POLK: variants seen among roughly 807,000 people sequenced by gnomAD.
POLK encodes polymerase (DNA directed) kappa.
Under a neutral mutation model 94.0 loss-of-function variants are expected in POLK, and 76 were observed. The ratio of observed to expected loss-of-function variants is 0.81; its 90% CI spans 0.67 to 0.98. The LOEUF is 0.98. POLK is among the 50% of genes least tolerant of loss of function. The probability of loss-of-function intolerance (pLI) is 0.00; values close to 1 mark genes in which losing one functional copy is unlikely to be tolerated. For missense variants in POLK, 954 were observed against 1,010.1 expected, an observed-to-expected ratio of 0.94 and a Z score of 0.75; for synonymous variants, 349 against 325.4, an observed-to-expected ratio of 1.07 and a Z score of -0.78.
At chr5:75,557,907 C>T (rs922674085) in intron 3 of POLK, among the ~76,000 whole-genome samples, 21 of 152,050 alleles carry the variant, frequency 1.4e-4, no homozygotes, top group Non-Finnish European at 4.4e-5. Context: ...CTCCTGCCTC[C>T]ACTTCCTGGT....
chr5:75,573,849 T>C, exon 5 of POLK: 1 of 1,613,328 alleles, frequency 6.2e-7, no homozygotes. Flanking sequence ...CTTTGACAAA[T>C]ACCGAGCTGT....
exon 7 of POLK, chr5:75,581,215 C>A: frequency 6.3e-7 from 1 of 1,595,710 alleles, no homozygotes; most frequent in Non-Finnish European, 8.6e-7. Flanking sequence ...TTAGATAATC[C>A]AGGAAAGGAA....
At chr5:75,566,833 C>T (rs754461266) in intron 3 of POLK, among the ~76,000 whole-genome samples, 4 of 152,296 alleles carry the variant, frequency 2.6e-5, no homozygotes, top group South Asian at 2.1e-4. Flanking sequence ...TTATTCTTAA[C>T]GAGTGTGACA....
At chr5:75,547,487 G>C (rs1770093736) in intron 2 of POLK, among the ~76,000 whole-genome samples, 1 of 151,202 alleles carries the variant, frequency 6.6e-6, no homozygotes, top group South Asian at 2.1e-4. Flanking sequence ...TTTCTGTATA[G>C]GTAAATAAAG....
intron 4 of POLK, 31 bp from the exon 5 acceptor site, chr5:75,573,707 A>AT: frequency 6.3e-7 from 1 of 1,592,816 alleles, no homozygotes; most frequent in Non-Finnish European, 8.6e-7. Context: ...AGGTTTGTGT[A>AT]TTTTTTTCCA....
At chr5:75,593,834 C>A (rs758984719) in intron 11 of POLK, 44 bp from the exon 12 acceptor site, 2 of 1,209,998 alleles carry the variant, frequency 1.7e-6, no homozygotes, top group African/African-American at 1.5e-5. Context: ...CAGAGAGAGA[C>A]CCTGTCTCAT....
chr5:75,548,000 C>T lies in POLK; in HGVS notation c.135+843C>T, dbSNP rs184802683. On this transcript the variant is annotated intron_variant, in intron 2 of 14. Coordinates refer to ENST00000241436, the Ensembl canonical transcript of POLK. The stretch of plus-strand genomic sequence containing the variant: ...GGAGTCCAGTAGCACAATAATAGCT[C>T]GTTACAGCCTCACCCTGGTCTCAAG... Among the ~76,000 whole-genome samples the T allele has an allele frequency of 1.6e-4, 24 of 152,252 alleles. No individual in the cohort carries two copies. In the East Asian group the frequency reaches 3.5e-3, roughly 22 times the overall value.
intron 7 of POLK, chr5:75,582,073 T>G (rs1358623913): frequency 1.0e-6 from 1 of 983,872 alleles, no homozygotes; most frequent in Admixed American, 6.1e-5. Flanking sequence ...CTTGGGAGAC[T>G]TCAATCCTGT....
intron 3 of POLK, among the ~76,000 whole-genome samples, chr5:75,555,234 G>A (rs949911415): frequency 1.3e-5 from 2 of 152,072 alleles, no homozygotes; most frequent in African/African-American, 2.4e-5. Context: ...ACAGTGAGGT[G>A]CATCCACCAT....
chr5:75,547,193 A>G, intron 2 of POLK, 36 bp downstream of exon 2: 2 of 1,244,434 alleles, frequency 1.6e-6, no homozygotes, highest in Non-Finnish European at 1.1e-6. Context: ...GTGTAATTTA[A>G]TGACCTTTTA....
chr5:75,546,738 T>C (rs1402868470), intron 1 of POLK, among the ~76,000 whole-genome samples: 1 of 151,514 alleles, frequency 6.6e-6, no homozygotes, highest in Non-Finnish European at 1.5e-5. Context: ...CAATCTCGGC[T>C]CACTGCAACC....
intron 1 of POLK, among the ~76,000 whole-genome samples, chr5:75,518,067 A>C (rs1768402551): frequency 6.6e-6 from 1 of 152,122 alleles, no homozygotes; most frequent in Admixed American, 6.5e-5. Flanking sequence ...ATTCATCAGT[A>C]ATATTGGCCT....
At chr5:75,589,735 C>T (rs138873820) in intron 10 of POLK, among the ~76,000 whole-genome samples, 6 of 152,284 alleles carry the variant, frequency 3.9e-5, no homozygotes, top group Non-Finnish European at 8.8e-5. Flanking sequence ...GTCACTTGCT[C>T]AGGGTCCATA....
At chr5:75,590,683 G>C (rs1772738313) in intron 11 of POLK, among the ~76,000 whole-genome samples, 1 of 152,156 alleles carries the variant, frequency 6.6e-6, no homozygotes, top group African/African-American at 2.4e-5. Flanking sequence ...GTATAATTCA[G>C]AGGACTTTAC....
chr5:75,559,510 T>C (rs992109759), intron 3 of POLK, among the ~76,000 whole-genome samples: 61 of 142,210 alleles, frequency 4.3e-4, no homozygotes, highest in Admixed American at 1.1e-3. Flanking sequence ...GGTTTGTTTT[T>C]TTGTTTTGTT....
chr5:75,564,144 T>C (rs1259038490), intron 3 of POLK, among the ~76,000 whole-genome samples: 2 of 152,240 alleles, frequency 1.3e-5, no homozygotes, highest in South Asian at 2.1e-4. Context: ...TTTACCATTA[T>C]GTAATGCCCT....
At chr5:75,593,408 A>G (rs1772894258) in intron 11 of POLK, among the ~76,000 whole-genome samples, 1 of 152,210 alleles carries the variant, frequency 6.6e-6, no homozygotes, top group Non-Finnish European at 1.5e-5. Flanking sequence ...GGCGTGAGCC[A>G]CTGCAGCCGG....
At chr5:75,574,216 C>T (rs534539206) in intron 5 of POLK, among the ~76,000 whole-genome samples, 1 of 152,142 alleles carries the variant, frequency 6.6e-6, no homozygotes, top group Admixed American at 6.6e-5. Flanking sequence ...TTATTTATAA[C>T]TTACAGAATC....
chr5:75,542,120 T>C (rs1166648053), intron 1 of POLK, among the ~76,000 whole-genome samples: 1 of 152,202 alleles, frequency 6.6e-6, no homozygotes, highest in Non-Finnish European at 1.5e-5. Context: ...GGGTGCTAAA[T>C]CTGTTCAAAG....
Sources: gnomAD v4.1 joint callset for allele counts (sites outside exome capture counted in the v4.1 genomes callset) on GRCh38, gnomAD v4.1.1 for gene constraint, MANE v1.5 for transcripts, NCBI Gene and HGNC (gene_info 2026-07-23, HGNC 2026-07-21) for gene names.